The following PPARA variants were observed in gnomAD, a reference collection of about 807,000 sequenced individuals.
PPARA encodes the protein peroxisome proliferator activated receptor alpha, also known as peroxisome proliferator-activated receptor alpha.
Under a neutral mutation model 42.2 loss-of-function variants are expected in PPARA, and 22 were observed. The observed-to-expected ratio is 0.52, with a 90% CI of 0.37 to 0.74. The LOEUF is 0.74. Ranked by LOEUF, PPARA falls within the 30% of genes least tolerant of loss-of-function variation. The pLI is 0.00. For synonymous variants in PPARA, 242 were observed against 239.3 expected (o/e 1.01, Z -0.10); for missense variants, 465 against 608.2 (o/e 0.76, Z 2.48).
rs1306834256 is a variant in PPARA at position 46,235,328 on chromosome 22, C to T, written c.1355C>T (p.Ser452Leu). The change falls in exon 9 of 9, where the codon TCG becomes TTG. Residue 452 changes from serine (S) to leucine (L), a missense_variant. Around this residue, in one of 2 missense-constraint regions of PPARA, gnomAD observed 313 missense variants for 469.1 expected, o/e 0.67. Transcript: ENST00000407236. This position sits in a 1 kb window ranked among gnomAD's most constrained non-coding sequence, Gnocchi z 7.0. Reference protein sequence around the residue: ...QLVQIIKKTESDAALHPLLQE... With the variant: ...QLVQIIKKTELDAALHPLLQE... The stretch of plus-strand genomic sequence containing the variant: ...GTGCAGATCATCAAGAAGACGGAGT[C>T]GGATGCTGCGCTGCACCCGCTACTG... The T allele has an allele frequency of 3.7e-6, 6 of 1,613,906 alleles. No individual in the cohort carries two copies. The highest frequency in any genetic ancestry group is 4.5e-5 in the East Asian group (2 of 44,900).
In PPARA at chr22:46,227,312, C is replaced by T. The variant is rs1287967726; in HGVS notation, c.712-4480C>T. Among the ~76,000 whole-genome samples the T allele has an allele frequency of 6.6e-6, 1 of 152,024 alleles. No homozygotes were observed. The highest frequency in any genetic ancestry group is 1.5e-5 in the Non-Finnish European group (1 of 68,012). On this transcript the variant is annotated intron_variant, in intron 7 of 8. Coordinates refer to ENST00000407236, the MANE Select transcript of PPARA (RefSeq NM_005036.6). This position sits in a 1 kb window ranked among gnomAD's most constrained non-coding sequence, Gnocchi z 4.3. ...TCTTGCCCAGGCTGGAGTGCAGTGG[C>T]GCAATCTCAGCTCACTGCAACCTCC...
Position 46,191,838 on chromosome 22 carries a change from C to T in PPARA, c.-42-6504C>T, listed in dbSNP as rs546599195. Among the ~76,000 whole-genome samples the T allele has an allele frequency of 3.3e-5, 5 of 152,236 alleles. No individual in the cohort carries two copies. The highest frequency in any genetic ancestry group is 3.9e-4 in the East Asian group (2 of 5,178). ...ATCCCAGCACTTTGGGAGGCTGAGG[C>T]GGGCAGATCACGAGGTCAAGAGATC... On this transcript the variant is annotated intron_variant, in intron 3 of 8. Transcript: ENST00000407236. The surrounding 1 kb of genome is among the most constrained non-coding windows in gnomAD (Gnocchi z 4.6).
At chr22:46,210,335 A>C (rs557819184) in intron 4 of PPARA, among the ~76,000 whole-genome samples, 21 of 149,122 alleles carry the variant, frequency 1.4e-4, no homozygotes, top group Middle Eastern at 7.0e-3. Context: ...AAAAACTCTT[A>C]GCCACAATTT....
In PPARA at chr22:46,163,419, T is replaced by A. The variant is rs1241764134; in HGVS notation, c.-127+11449T>A. ...CCTATATTGAAGATACACTGCCTGC[T>A]TAGTTGTGGCTTCAGCCTTTGCTCC... On this transcript the variant is annotated intron_variant, in intron 2 of 8. Coordinates refer to ENST00000407236, the MANE Select transcript of PPARA (RefSeq NM_005036.6). This position sits in a 1 kb window ranked among gnomAD's most constrained non-coding sequence, Gnocchi z 4.9. 6.6e-6 allele frequency: 1 copy of A among 152,250 alleles called. No individual in the cohort carries two copies. Among genetic ancestry groups the A allele is most frequent in the Non-Finnish European group, 1.5e-5 (1 of 68,054 alleles). The allele number at this position is 152,250 out of a possible 1,614,324, so 9.4% of individuals were successfully genotyped here.
rs1309362675 is a variant in PPARA at position 46,227,440 on chromosome 22, C to T, written c.712-4352C>T. ...CTAATTTTTGTATTTTTAGTAGACACGGGCTTTTGCCATGTTGGCCGGGCT... is the reference window on the plus strand; with the variant it reads ...CTAATTTTTGTATTTTTAGTAGACATGGGCTTTTGCCATGTTGGCCGGGCT... On this transcript the variant is annotated intron_variant, in intron 7 of 8. Transcript: ENST00000407236. This position sits in a 1 kb window ranked among gnomAD's most constrained non-coding sequence, Gnocchi z 4.3. Among the ~76,000 whole-genome samples, 1 of 152,184 alleles carries T rather than the reference C, an allele frequency of 6.6e-6. No homozygotes were observed.
rs780153176 is a variant in PPARA at position 46,190,526 on chromosome 22, G to A, written c.-42-7816G>A. 5.3e-5 allele frequency among the ~76,000 whole-genome samples: 8 copies of A among 152,172 alleles called. No homozygotes were observed. Among genetic ancestry groups the A allele is most frequent in the African/African-American group, 1.4e-4 (6 of 41,454 alleles). On this transcript the variant is annotated intron_variant, in intron 3 of 8. Transcript: ENST00000407236. The surrounding 1 kb of genome is among the most constrained non-coding windows in gnomAD (Gnocchi z 5.6). Reference sequence around the variant, plus strand: ...TCCCAACACTTAGAGGCCAAGCCGCGTGGATCGCTTGAGCCCAGGAGTTCG... The same window carrying A: ...TCCCAACACTTAGAGGCCAAGCCGCATGGATCGCTTGAGCCCAGGAGTTCG...
rs940182293 is a variant in PPARA, at chr22:46,162,962, G to C, written c.-127+10992G>C. ...TTTACTGAGCACGTACTGCGTGCCA[G>C]GCACTGTCCTGCTGTGGAAAACAGC... On this transcript the variant is annotated intron_variant, in intron 2 of 8. Transcript: ENST00000407236. The surrounding 1 kb of genome is among the most constrained non-coding windows in gnomAD (Gnocchi z 6.0). 6.6e-6 allele frequency among the ~76,000 whole-genome samples: 1 copy of C among 152,256 alleles called. No individual in the cohort carries two copies.
intron 4 of PPARA, among the ~76,000 whole-genome samples, chr22:46,214,551 GGAGATGCGGGGGTCCA>G (rs1934267708): frequency 7.5e-6 from 1 of 133,502 alleles, no homozygotes; most frequent in East Asian, 2.6e-4. Flanking sequence ...TGGGGGGTCA[GGAGATGCGGGGGTCCA>G]GAGATGTGGG....
Position 46,219,910 on chromosome 22 carries a change from C to A in PPARA, c.607C>A (p.Leu203Ile). Residue 203 changes from leucine (L) to isoleucine (I), a missense_variant, in exon 7 of 9, where the codon CTC (leucine) becomes ATC (isoleucine). Physicochemically the swap from Leu to Ile is conservative, Grantham distance 5. Transcript: ENST00000407236. The surrounding 1 kb of genome is among the most constrained non-coding windows in gnomAD (Gnocchi z 4.8). ...CATAGAAGATTCTGAAACTGCAGAT[C>A]TCAAATCTCTGGCCAAGAGAATCTA... ...HDIEDSETAD[L>I]KSLAKRIYEA... The A allele has an allele frequency of 6.2e-7, 1 of 1,614,182 alleles. No homozygotes were observed. Among genetic ancestry groups the A allele is most frequent in the African/African-American group, 1.3e-5 (1 of 75,042 alleles).
rs1929718643 is a variant in PPARA at position 46,180,008 on chromosome 22, C to T, written c.-43+3172C>T. Among the ~76,000 whole-genome samples the T allele has an allele frequency of 6.6e-6, 1 of 152,098 alleles. No individual in the cohort carries two copies. The highest frequency in any genetic ancestry group is 2.1e-4 in the South Asian group (1 of 4,826). ...AGCAATGCAGATGAAACCTACAGTC[C>T]CCATGCTAATGTTCTACAACTTACA... is the stretch of plus-strand genomic sequence containing the variant. On this transcript the variant is annotated intron_variant, in intron 3 of 8. Coordinates refer to ENST00000407236, the MANE Select transcript of PPARA (RefSeq NM_005036.6). The surrounding 1 kb of genome is among the most constrained non-coding windows in gnomAD (Gnocchi z 4.2).
rs1650716614 is a variant in PPARA at position 46,192,963 on chromosome 22, C to T, written c.-42-5379C>T. 6.6e-6 allele frequency among the ~76,000 whole-genome samples: 1 copy of T among 152,100 alleles called. No homozygotes were observed. The highest frequency in any genetic ancestry group is 1.5e-5 in the Non-Finnish European group (1 of 68,020). The stretch of plus-strand genomic sequence containing the variant: ...CTCAGAGAGATTAGAAGGATGGTTA[C>T]CAGAGGCTGGGAAGGGTGGTGAGGG... On this transcript the variant is annotated intron_variant, in intron 3 of 8. Transcript: ENST00000407236. This position sits in a 1 kb window ranked among gnomAD's most constrained non-coding sequence, Gnocchi z 4.3.
intron 7 of PPARA, among the ~76,000 whole-genome samples, chr22:46,228,983 T>C (rs1935674677): frequency 1.3e-5 from 2 of 151,796 alleles, no homozygotes; most frequent in African/African-American, 4.8e-5. Flanking sequence ...GGCGGGCGCC[T>C]GTAGTCCCAG....
rs1301571978 is a variant in PPARA at position 46,195,470 on chromosome 22, T to C, written c.-42-2872T>C. Among the ~76,000 whole-genome samples, 1 of 86,904 alleles carries C rather than the reference T, an allele frequency of 1.2e-5. No individual in the cohort carries two copies. The highest frequency in any genetic ancestry group is 6.5e-5 in the African/African-American group (1 of 15,396). The allele number at this position is 86,904 out of a possible 152,430, so 57.0% of individuals were successfully genotyped here. A position where few individuals can be genotyped will look rare whatever the true frequency, so the allele number is the denominator to read the frequency against. ...ACCCTATGAAAGGTTAACAGTTCTCTTATTTTTCCCTGTGTGCTATTTGAT... is the reference window on the plus strand; with the variant it reads ...ACCCTATGAAAGGTTAACAGTTCTCCTATTTTTCCCTGTGTGCTATTTGAT... On this transcript the variant is annotated intron_variant, in intron 3 of 8. Coordinates refer to ENST00000407236, the MANE Select transcript of PPARA (RefSeq NM_005036.6). This position sits in a 1 kb window ranked among gnomAD's most constrained non-coding sequence, Gnocchi z 4.6.
At chr22:46,153,141 T>C (rs1265500992) in intron 2 of PPARA, among the ~76,000 whole-genome samples, 1 of 151,818 alleles carries the variant, frequency 6.6e-6, no homozygotes. Context: ...AAAAAAATGT[T>C]TTTTCTTTCT....
chr22:46,228,826 TG>T (rs1377240368), intron 7 of PPARA, among the ~76,000 whole-genome samples: 8 of 152,052 alleles, frequency 5.3e-5, no homozygotes, highest in African/African-American at 1.9e-4. Flanking sequence ...AATTATTGGC[TG>T]GGCGTGGTGG....
In PPARA at chr22:46,239,909, G is replaced by A. The variant is rs866333438; in HGVS notation, c.*4529G>A. 1.1e-5 allele frequency: 4 copies of A among 350,214 alleles called. No homozygotes were observed. The highest frequency in any genetic ancestry group is 8.4e-5 in the East Asian group (2 of 23,684). 21.7% of individuals were successfully genotyped at this position (350,214 alleles called of 1,614,324 possible). A position where few individuals can be genotyped will look rare whatever the true frequency, so the allele number is the denominator to read the frequency against. On this transcript the variant is annotated 3_prime_UTR_variant, in exon 9 of 9. Coordinates refer to ENST00000407236, the MANE Select transcript of PPARA (RefSeq NM_005036.6). ...TGCGCACATCTGCTACTTACCAGCC[G>A]CATACATGATGGAGGGTTTTTTGGT...
Position 46,183,008 on chromosome 22 carries a change from G to A in PPARA, c.-43+6172G>A, listed in dbSNP as rs912676942. On this transcript the variant is annotated intron_variant, in intron 3 of 8. Coordinates refer to ENST00000407236, the MANE Select transcript of PPARA (RefSeq NM_005036.6). The surrounding 1 kb of genome is among the most constrained non-coding windows in gnomAD (Gnocchi z 5.5). ...GATCCACCCACCTCGGCCTCCCAAA[G>A]TGTTGGGATTATAGGCATGAGCCAC... Among the ~76,000 whole-genome samples, 1 of 152,190 alleles carries A rather than the reference G, an allele frequency of 6.6e-6. No homozygotes were observed. The highest frequency in any genetic ancestry group is 1.5e-5 in the Non-Finnish European group (1 of 68,034).
rs1370055842 is a variant in PPARA at position 46,207,674 on chromosome 22, A to AT, written c.209-7497dup. ...TATTATTATTATTATTATTATTATT[A>AT]TTATTTTTTTTTTTTTTTTTTTTTT... is the stretch of plus-strand genomic sequence containing the variant. On this transcript the variant is annotated intron_variant, in intron 4 of 8. Coordinates refer to ENST00000407236, the MANE Select transcript of PPARA (RefSeq NM_005036.6). 7.9e-3 allele frequency among the ~76,000 whole-genome samples: 486 copies of AT among 61,622 alleles called. 41 individuals carry two copies. Among genetic ancestry groups the AT allele is most frequent in the South Asian group, 0.01 (17 of 1,626 alleles). The allele number at this position is 61,622 out of a possible 152,430, so 40.4% of individuals were successfully genotyped here. A position where few individuals can be genotyped will look rare whatever the true frequency, so the allele number is the denominator to read the frequency against.
At chr22:46,151,828 A>G (rs1177246569) in intron 1 of PPARA, 60 bp from the exon 2 acceptor site, 1 of 152,220 alleles carries the variant, frequency 6.6e-6, no homozygotes, top group Non-Finnish European at 1.5e-5. Context: ...CAAGGTGAAG[A>G]GTTGGGGGGC....
Sources: gnomAD v4.1 joint callset for allele counts (sites outside exome capture counted in the v4.1 genomes callset) on GRCh38, gnomAD v4.1.1 for gene constraint, gnomAD v4.1.1 regional missense constraint, Gnocchi (gnomAD v3.1) non-coding constraint, MANE v1.5 for transcripts, NCBI Gene and HGNC (gene_info 2026-07-23, HGNC 2026-07-21) for gene names.